Variants in DGKZ observed in about 807,000 individuals in gnomAD.
DGKZ encodes DAG kinase zeta.
In DGKZ, 45 loss-of-function variants were observed where a neutral mutation model predicts 142.5. The observed-to-expected ratio is 0.32, with a 90% confidence interval of 0.25 to 0.40. The LOEUF (loss-of-function observed/expected upper bound fraction) is 0.40, where lower values mean the gene tolerates loss of function less well. DGKZ is among the 10% of genes least tolerant of loss of function. The pLI is 1.00. For synonymous variants in DGKZ, 442 were observed against 527.0 expected (o/e 0.84, Z 2.21); for missense variants, 755 against 1,306.5 (o/e 0.58, Z 6.51).
chr11:46,374,669 G>A lies in DGKZ; in HGVS notation c.1524+3G>A. On this transcript the variant is annotated splice_donor_region_variant and intron_variant, in intron 17 of 30. Transcript: ENST00000527911. ...TGGCCAAGCACATCCGAGTGGTGGT[G>A]AGCGGGGCCAGGCTGCCGTGGGTGG... 1 of 1,597,348 alleles carries A rather than the reference G, an allele frequency of 6.3e-7. No homozygotes were observed. The highest frequency in any genetic ancestry group is 8.5e-7 in the Non-Finnish European group (1 of 1,170,810).
At chr11:46,375,136 A>G in intron 19 of DGKZ, 91 bp downstream of exon 19, 1 of 1,215,244 alleles carries the variant, frequency 8.2e-7, no homozygotes, top group South Asian at 1.6e-5. Flanking sequence ...ACGGCGGCCT[A>G]GTTCACCCTC....
chr11:46,366,580 G>A, intron 1 of DGKZ: 10 of 1,607,176 alleles, frequency 6.2e-6, no homozygotes, highest in Non-Finnish European at 7.6e-6. Flanking sequence ...GTGCACCCCT[G>A]CTGTTGACCG....
chr11:46,366,365 TC>T, intron 1 of DGKZ: 2 of 1,521,770 alleles, frequency 1.3e-6, no homozygotes, highest in Non-Finnish European at 1.8e-6. Context: ...CCGGCGTCGC[TC>T]CCCCGCTGGG....
chr11:46,356,554 T>C (rs1191301948), intron 1 of DGKZ, among the ~76,000 whole-genome samples: 1 of 152,016 alleles, frequency 6.6e-6, no homozygotes, highest in Non-Finnish European at 1.5e-5. Flanking sequence ...AGGAAAACCA[T>C]GAGGGAGAAT....
chr11:46,345,406 C>G (rs1227363201), upstream of DGKZ: 11 of 1,428,380 alleles, frequency 7.7e-6, no homozygotes, highest in Non-Finnish European at 1.0e-5. The surrounding 1 kb of genome is among the most constrained non-coding windows in gnomAD (Gnocchi z 4.1). Context: ...AGTCGCCGGG[C>G]AGGATGAGCG....
At chr11:46,333,303 C>A in exon 1 of DGKZ, 1 of 1,279,130 alleles carries the variant, frequency 7.8e-7, no homozygotes. Context: ...CGGCGGAGGG[C>A]AGCGCTGGGA....
At chr11:46,368,939 C>T (rs1943627492) in intron 4 of DGKZ, 2 of 172,420 alleles carry the variant, frequency 1.2e-5, no homozygotes, top group South Asian at 2.5e-4. Flanking sequence ...AGTGCGGTGG[C>T]TCATGCCTGT....
intron 1 of DGKZ, among the ~76,000 whole-genome samples, chr11:46,359,106 C>T (rs958248951): frequency 1.3e-5 from 2 of 151,012 alleles, no homozygotes; most frequent in African/African-American, 4.9e-5. Context: ...CAACACTGCA[C>T]TCCAGCCTGG....
chr11:46,366,367 C>G lies in DGKZ; in HGVS notation c.162-924C>G, dbSNP rs373547477. The G allele has an allele frequency of 1.1e-4, 164 of 1,521,172 alleles. No individual in the cohort carries two copies. The highest frequency in any genetic ancestry group is 1.3e-4 in the Non-Finnish European group (153 of 1,138,908). The allele number at this position is 1,521,172 out of a possible 1,614,324, so 94.2% of individuals were successfully genotyped here. On this transcript the variant is annotated intron_variant, in intron 1 of 30. Transcript: ENST00000527911. The stretch of plus-strand genomic sequence containing the variant: ...CCACAGGCAAGGCCCGGCGTCGCTC[C>G]CCCGCTGGGCAGGCCTCCTCCTCAC...
rs377513241 is a variant in DGKZ, at chr11:46,368,139, G to A, written c.444+60G>A. On this transcript the variant is annotated intron_variant, in intron 4 of 30. Transcript: ENST00000527911. ...CTTTGGGTGCTGAGGCCCTTTCAGC[G>A]CGCACTCACACCCACATGTTATACA... The A allele has an allele frequency of 4.8e-4, 749 of 1,547,052 alleles. 5 individuals are homozygous for A. The highest frequency in any genetic ancestry group is 2.2e-3 in the South Asian group (201 of 89,356).
chr11:46,335,483 C>T (rs1432691872), intron 1 of DGKZ, among the ~76,000 whole-genome samples: 6 of 152,198 alleles, frequency 3.9e-5, no homozygotes, highest in Admixed American at 3.9e-4. Context: ...TGGGATTCCC[C>T]TGGGTGGCCC....
Position 46,366,540 on chromosome 11 carries a change from A to G in DGKZ, c.162-751A>G, listed in dbSNP as rs770444466. 1.9e-6 allele frequency: 3 copies of G among 1,599,550 alleles called. No homozygotes were observed. Among genetic ancestry groups the G allele is most frequent in the East Asian group, 2.3e-5 (1 of 44,238 alleles). On this transcript the variant is annotated intron_variant, in intron 1 of 30. Transcript: ENST00000527911. ...ATCGTGGATAAGGTGCTCACTCCAC[A>G]GCCTACCACCGTGGGGGCCCAGCTT...
chr11:46,375,100 G>A (rs1019206686), intron 19 of DGKZ, 55 bp downstream of exon 19: 2 of 1,479,354 alleles, frequency 1.4e-6, no homozygotes, highest in African/African-American at 2.8e-5. Context: ...GGTGGAAGGG[G>A]TCACCCATAC....
chr11:46,360,964 C>T (rs1942578002), intron 1 of DGKZ, among the ~76,000 whole-genome samples: 2 of 151,906 alleles, frequency 1.3e-5, no homozygotes, highest in Non-Finnish European at 1.5e-5. Flanking sequence ...GCCAGAAGAC[C>T]CAGAAGCTGG....
chr11:46,377,038 G>A, intron 24 of DGKZ, 35 bp from the exon 25 acceptor site: 1 of 1,599,104 alleles, frequency 6.3e-7, no homozygotes, highest in Non-Finnish European at 8.6e-7. Context: ...CCACCGTCAG[G>A]TGCCCTGACC....
intron 1 of DGKZ, among the ~76,000 whole-genome samples, chr11:46,359,025 C>G (rs1020919914): frequency 6.6e-6 from 1 of 151,626 alleles, no homozygotes; most frequent in Non-Finnish European, 1.5e-5. Context: ...CACCTGTAAT[C>G]CCAGCAACTC....
rs1181840395 is a variant in DGKZ at position 46,379,466 on chromosome 11, C to A, written c.2586C>A (p.Pro862=). Residue 862 remains proline (P), a synonymous_variant, in exon 30 of 31, where the codon CCC becomes CCA. Transcript: ENST00000527911. ...GGTACACAGCCAGCCCCTGCTCCCC[C>A]AGCGGGGAGACCTGTTTGCACCAAG... 1.9e-6 allele frequency: 3 copies of A among 1,608,092 alleles called. No homozygotes were observed. The African/African-American group carries it at 4.0e-5, about 21-fold the overall frequency.
At chr11:46,369,063 C>A (rs1428911514) in intron 4 of DGKZ, 1 of 235,948 alleles carries the variant, frequency 4.2e-6, no homozygotes, top group Non-Finnish European at 8.5e-6. Flanking sequence ...CAAAAATTAG[C>A]CAGGCGTGGT....
At chr11:46,376,809 G>A (rs571752360) in intron 24 of DGKZ, 99 of 655,590 alleles carry the variant, frequency 1.5e-4, no homozygotes, top group African/African-American at 1.5e-3. Flanking sequence ...TGGGTAGGAG[G>A]GCCTGGAAGC....
Sources: allele counts gnomAD v4.1 joint callset (sites outside exome capture counted in the v4.1 genomes callset), GRCh38; gene constraint gnomAD v4.1.1; non-coding constraint Gnocchi (gnomAD v3.1); transcripts MANE v1.5; gene names NCBI Gene and HGNC (gene_info 2026-07-23, HGNC 2026-07-21).